The following S100Z variants were observed in gnomAD, a reference collection of about 807,000 sequenced individuals.
S100Z encodes the protein S100 calcium binding protein Z.
Under a neutral mutation model 8.5 loss-of-function variants are expected in S100Z, and 11 were observed. The ratio of observed to expected loss-of-function variants is 1.30; its 90% CI spans 0.82 to 2.15. S100Z has a LOEUF of 2.15. Ranked by LOEUF, S100Z falls within the 30% of genes most tolerant of loss-of-function variation. The probability of loss-of-function intolerance (pLI) is 0.00; values close to 1 mark genes in which losing one functional copy is unlikely to be tolerated. For synonymous variants in S100Z, 34 were observed against 43.8 expected, an observed-to-expected ratio of 0.78 and a Z score of 0.89; for missense variants, 126 against 117.9, an observed-to-expected ratio of 1.07 and a Z score of -0.32.
At chr5:76,928,810 G>A in the S100Z span, among the ~76,000 whole-genome samples, 2 of 152,208 alleles carry the variant, frequency 1.3e-5, no homozygotes, top group African/African-American at 4.8e-5. Context: ...CACAATCACG[G>A]CACATTACAG....
intron 2 of S100Z, among the ~76,000 whole-genome samples, chr5:76,874,088 A>C (rs1051282747): frequency 1.3e-5 from 2 of 152,002 alleles, no homozygotes; most frequent in Non-Finnish European, 2.9e-5. Context: ...GTTTCCTTTC[A>C]GTGACTCCTT....
At chr5:76,859,206 A>G (rs1341174940) in intron 1 of S100Z, among the ~76,000 whole-genome samples, 1 of 152,194 alleles carries the variant, frequency 6.6e-6, no homozygotes. Flanking sequence ...ATTAGAACAT[A>G]TGATGCTCAT....
chr5:76,936,616 TACACACACACACAC>T, the S100Z span, among the ~76,000 whole-genome samples: 1,245 of 134,136 alleles, frequency 9.3e-3, 7 homozygotes, highest in Middle Eastern at 0.015. Context: ...TTAAAGTTCC[TACACACACACACAC>T]ACACACACAC....
At chr5:76,941,739 C>A in the S100Z span, among the ~76,000 whole-genome samples, 1 of 150,656 alleles carries the variant, frequency 6.6e-6, no homozygotes, top group African/African-American at 2.4e-5. Flanking sequence ...CTCATGCTAT[C>A]CTCTTTGGAG....
At chr5:76,928,968 C>T in the S100Z span, among the ~76,000 whole-genome samples, 3 of 152,194 alleles carry the variant, frequency 2.0e-5, no homozygotes, top group Admixed American at 6.5e-5. Flanking sequence ...TCTCGAACTC[C>T]GGGGCTCTCA....
chr5:76,937,676 C>A, the S100Z span, among the ~76,000 whole-genome samples: 15 of 138,754 alleles, frequency 1.1e-4, no homozygotes, highest in African/African-American at 3.5e-4. Flanking sequence ...TTGCTTGAGC[C>A]CAGGAGGTCG....
At chr5:76,930,546 T>TACCA in the S100Z span, among the ~76,000 whole-genome samples, 1 of 152,186 alleles carries the variant, frequency 6.6e-6, no homozygotes, top group African/African-American at 2.4e-5. Flanking sequence ...CTTAGGGCAG[T>TACCA]AGGTGATTGG....
rs553840899 is a variant in S100Z at position 76,903,656 on chromosome 5, G to A, written c.*3-17061G>A. On this transcript the variant is annotated intron_variant, in intron 4 of 4. Coordinates refer to ENST00000317593, the MANE Select transcript of S100Z (RefSeq NM_130772.4). ...TGTTATCTCATTGTAATTTTAATCT[G>A]TATTTCCCTAACAATGAATGATTTT... Among the ~76,000 whole-genome samples the A allele has an allele frequency of 4.6e-5, 7 of 151,562 alleles. No individual in the cohort carries two copies. The South Asian group carries it at 1.0e-3, about 23-fold the overall frequency.
intron 4 of S100Z, among the ~76,000 whole-genome samples, chr5:76,886,867 G>T (rs1053809595): frequency 6.6e-6 from 1 of 152,274 alleles, no homozygotes; most frequent in Non-Finnish European, 1.5e-5. Context: ...TGATCAGTTA[G>T]GGTGGGGCAG....
intron 1 of S100Z, among the ~76,000 whole-genome samples, chr5:76,863,120 A>G (rs1363774768): frequency 6.6e-6 from 1 of 152,206 alleles, no homozygotes; most frequent in Non-Finnish European, 1.5e-5. Context: ...GAGACATCTG[A>G]CTTTCCTGGC....
chr5:76,928,856 C>A, the S100Z span, among the ~76,000 whole-genome samples: 1 of 152,272 alleles, frequency 6.6e-6, no homozygotes, highest in Non-Finnish European at 1.5e-5. Context: ...TCCCCCACCT[C>A]AGCCTCCTGA....
chr5:76,859,519 G>A lies in S100Z; in HGVS notation c.-176+9364G>A, dbSNP rs372444029. ...GCCTCGGCCGGGGGCAGTGGCTCACGTCTGTAATCCCAGCACTTTGGGAGG... is the reference window on the plus strand; with the variant it reads ...GCCTCGGCCGGGGGCAGTGGCTCACATCTGTAATCCCAGCACTTTGGGAGG... On this transcript the variant is annotated intron_variant, in intron 1 of 4. Transcript: ENST00000317593. Among the ~76,000 whole-genome samples the A allele has an allele frequency of 1.3e-4, 20 of 152,156 alleles. No homozygotes were observed. The East Asian group carries it at 2.7e-3, about 21-fold the overall frequency.
chr5:76,855,643 C>G (rs905681330), intron 1 of S100Z, among the ~76,000 whole-genome samples: 2 of 152,138 alleles, frequency 1.3e-5, no homozygotes, highest in African/African-American at 4.8e-5. Flanking sequence ...AAGTAACTAA[C>G]TTGTTTTGAT....
At chr5:76,917,931 G>A (rs561582788) in intron 4 of S100Z, among the ~76,000 whole-genome samples, 1 of 152,044 alleles carries the variant, frequency 6.6e-6, no homozygotes, top group African/African-American at 2.4e-5. Context: ...TGGACGTCTA[G>A]TTGGTTTCTT....
chr5:76,876,664 T>TG (rs1467201326), intron 3 of S100Z, among the ~76,000 whole-genome samples: 3 of 152,180 alleles, frequency 2.0e-5, no homozygotes, highest in Non-Finnish European at 2.9e-5. Flanking sequence ...AGCCACTGTG[T>TG]GGGGCCAACT....
the S100Z span, among the ~76,000 whole-genome samples, chr5:76,943,765 G>C: frequency 4.7e-5 from 4 of 85,000 alleles, no homozygotes; most frequent in Non-Finnish European, 1.1e-4. Flanking sequence ...CTTCACCTTA[G>C]AGATGAGAAT....
chr5:76,926,009 C>T (rs887383784), downstream of S100Z, among the ~76,000 whole-genome samples: 1 of 152,020 alleles, frequency 6.6e-6, no homozygotes, highest in Non-Finnish European at 1.5e-5. Flanking sequence ...TATAAGGGCA[C>T]ATAGTTTCAA....
chr5:76,917,641 GGC>G (rs1271588522), intron 4 of S100Z, among the ~76,000 whole-genome samples: 2 of 152,070 alleles, frequency 1.3e-5, no homozygotes, highest in African/African-American at 4.8e-5. Flanking sequence ...TGGCCAACAT[GGC>G]GAAACCCCAT....
intron 4 of S100Z, among the ~76,000 whole-genome samples, chr5:76,901,355 G>T: frequency 6.6e-6 from 1 of 152,192 alleles, no homozygotes; most frequent in African/African-American, 2.4e-5. Flanking sequence ...CAGAAGTGCT[G>T]TCCAGGAGTC....
Sources: allele counts gnomAD v4.1 joint callset (sites outside exome capture counted in the v4.1 genomes callset), GRCh38; gene constraint gnomAD v4.1.1; transcripts MANE v1.5; gene names NCBI Gene and HGNC (gene_info 2026-07-23, HGNC 2026-07-21).